Variants in FAR2 observed in about 807,000 individuals in gnomAD.
The protein encoded by FAR2 is fatty acyl-CoA reductase 2, also known as epididymis secretory protein Li 81.
Under a neutral mutation model 56.0 loss-of-function variants are expected in FAR2, and 19 were observed. The ratio of observed to expected loss-of-function variants is 0.34; its 90% confidence interval spans 0.24 to 0.50. The LOEUF is 0.50. Ranked by LOEUF, FAR2 falls within the 20% of genes least tolerant of loss-of-function variation. FAR2 has a pLI of 0.98. For synonymous variants in FAR2, 219 were observed against 218.8 expected (o/e 1.00, Z -0.01); for missense variants, 508 against 642.2 (o/e 0.79, Z 2.26).
intron 2 of FAR2, chr12:29,292,316 A>T (rs1184939311): frequency 2.0e-5 from 3 of 152,234 alleles, no homozygotes; most frequent in Non-Finnish European, 4.4e-5. Flanking sequence ...AAAGTGAAAG[A>T]GTCCACAGAA....
chr12:29,293,110 C>T, intron 2 of FAR2, 190 bp from the exon 3 acceptor site: 1 of 425,510 alleles, frequency 2.4e-6, no homozygotes, highest in Non-Finnish European at 4.1e-6. Context: ...CAAGTGATCT[C>T]CCTGCTTTGG....
rs147968099 is a variant in FAR2, at chr12:29,238,914, C to T, written c.-38-31498C>T. Among the ~76,000 whole-genome samples, 162 of 152,192 alleles carry T rather than the reference C, an allele frequency of 1.1e-3. 1 individual carries two copies. Among genetic ancestry groups the T allele is most frequent in the African/African-American group, 3.5e-3 (147 of 41,532 alleles). On this transcript the variant is annotated intron_variant, in intron 1 of 11. Coordinates refer to ENST00000536681, the MANE Select transcript of FAR2 (RefSeq NM_001271783.2). The stretch of plus-strand genomic sequence containing the variant: ...TATGATCTCACAGTTTCCATGCTTC[C>T]GTGAGTTGTAGAAGTCATGGAAGCT...
chr12:29,236,862 A>G (rs1947951372), intron 1 of FAR2, among the ~76,000 whole-genome samples: 1 of 151,840 alleles, frequency 6.6e-6, no homozygotes, highest in African/African-American at 2.4e-5. Flanking sequence ...AACCAGAGCA[A>G]CAGAGCATCA....
chr12:29,331,238 G>C (rs1949728162), intron 10 of FAR2, among the ~76,000 whole-genome samples: 2 of 148,784 alleles, frequency 1.3e-5, no homozygotes, highest in South Asian at 4.2e-4. Flanking sequence ...GTCCAGGGAT[G>C]AATAGACAAA....
At chr12:29,306,581 C>T (rs564408465) in intron 4 of FAR2, among the ~76,000 whole-genome samples, 4 of 152,242 alleles carry the variant, frequency 2.6e-5, no homozygotes, top group East Asian at 1.9e-4. Flanking sequence ...TAGCATATTT[C>T]GGCAGCTTAA....
intron 2 of FAR2, among the ~76,000 whole-genome samples, chr12:29,273,847 G>A (rs558964677): frequency 2.0e-5 from 3 of 152,232 alleles, no homozygotes; most frequent in East Asian, 3.9e-4. Context: ...TCCCCGGGCC[G>A]GGTAGCATGC....
chr12:29,156,951 C>A (rs531325520), intron 1 of FAR2: 1 of 151,642 alleles, frequency 6.6e-6, no homozygotes, highest in Admixed American at 6.6e-5. Context: ...TGTGTGATCA[C>A]AGAGTTTGGA....
At chr12:29,170,736 G>A (rs1026582664) in intron 1 of FAR2, among the ~76,000 whole-genome samples, 7 of 100,126 alleles carry the variant, frequency 7.0e-5, no homozygotes, top group African/African-American at 1.6e-4. Flanking sequence ...ACTCCTCTTT[G>A]TCTCTGTCTC....
At chr12:29,260,466 T>C (rs934108817) in intron 1 of FAR2, among the ~76,000 whole-genome samples, 1 of 152,194 alleles carries the variant, frequency 6.6e-6, no homozygotes, top group African/African-American at 2.4e-5. Context: ...AAGCACTCAG[T>C]GTACTCTGCC....
At position 29,270,700 on chromosome 12, in the gene FAR2, A is replaced by G. The variant is rs188148468; in HGVS notation, c.189+62A>G. On this transcript the variant is annotated intron_variant, in intron 2 of 11. Coordinates refer to ENST00000536681, the MANE Select transcript of FAR2 (RefSeq NM_001271783.2). ...CCTTAGGGCAAGATGATTCACTACA[A>G]TGTTCTCTTATAGTCTCATATTGCA... The G allele has an allele frequency of 2.2e-4, 319 of 1,424,828 alleles. 1 individual carries two copies. The African/African-American group carries it at 2.9e-3, about 13-fold the overall frequency. The allele number at this position is 1,424,828 out of a possible 1,614,324, so 88.3% of individuals were successfully genotyped here.
chr12:29,203,721 C>T (rs150370371), intron 1 of FAR2, among the ~76,000 whole-genome samples: 6,154 of 152,060 alleles, frequency 0.04, 152 homozygotes, highest in Middle Eastern at 0.078. Context: ...TTATGTCGGC[C>T]GGGGGCGGTG....
intron 1 of FAR2, among the ~76,000 whole-genome samples, chr12:29,269,676 T>C (rs1019802255): frequency 2.6e-5 from 4 of 152,336 alleles, no homozygotes; most frequent in Non-Finnish European, 4.4e-5. Flanking sequence ...GAGAAACTAA[T>C]AAATGTCTAT....
intron 1 of FAR2, among the ~76,000 whole-genome samples, chr12:29,177,961 T>G (rs1293285986): frequency 6.6e-6 from 1 of 152,194 alleles, no homozygotes; most frequent in Non-Finnish European, 1.5e-5. Flanking sequence ...TTCCATTATC[T>G]GTTCTGCTAA....
At chr12:29,219,434 A>G (rs1331127266) in intron 1 of FAR2, among the ~76,000 whole-genome samples, 1 of 152,202 alleles carries the variant, frequency 6.6e-6, no homozygotes, top group Non-Finnish European at 1.5e-5. Context: ...ATACTTTTAC[A>G]TAAACAGGAA....
At chr12:29,302,133 G>A (rs1949178382) in intron 4 of FAR2, 1 of 151,644 alleles carries the variant, frequency 6.6e-6, no homozygotes, top group African/African-American at 2.4e-5. Context: ...GGGAGGCTGA[G>A]GCAGGAGAAT....
chr12:29,261,226 A>G (rs1948413468), intron 1 of FAR2, among the ~76,000 whole-genome samples: 1 of 152,190 alleles, frequency 6.6e-6, no homozygotes, highest in African/African-American at 2.4e-5. Flanking sequence ...TACATTTAAC[A>G]AAGAGATCGA....
At chr12:29,232,917 T>G (rs1947882215) in intron 1 of FAR2, among the ~76,000 whole-genome samples, 1 of 152,012 alleles carries the variant, frequency 6.6e-6, no homozygotes, top group African/African-American at 2.4e-5. Context: ...CACCCAGAGT[T>G]GCTTCAACTC....
intron 1 of FAR2, among the ~76,000 whole-genome samples, chr12:29,267,204 A>C (rs1948531696): frequency 6.6e-6 from 1 of 152,242 alleles, no homozygotes; most frequent in Non-Finnish European, 1.5e-5. Context: ...ATGGGTATAC[A>C]AAATGTACGA....
Position 29,269,704 on chromosome 12 carries a change from C to A in FAR2, c.-38-708C>A, listed in dbSNP as rs192089669. On this transcript the variant is annotated intron_variant, in intron 1 of 11. Coordinates refer to ENST00000536681, the MANE Select transcript of FAR2 (RefSeq NM_001271783.2). ...ATGTCTATGAAATCTTCACAATCCA[C>A]GTTCTTCTGCCATGGCTTCAGCCGG... 4.1e-4 allele frequency among the ~76,000 whole-genome samples: 63 copies of A among 152,330 alleles called. No homozygotes were observed. In the East Asian group the frequency reaches 7.7e-3, roughly 19 times the overall value.
Sources: gnomAD v4.1 joint callset for allele counts (sites outside exome capture counted in the v4.1 genomes callset) on GRCh38, gnomAD v4.1.1 for gene constraint, MANE v1.5 for transcripts, NCBI Gene and HGNC (gene_info 2026-07-23, HGNC 2026-07-21) for gene names.